Variants in ZNF496 observed in about 807,000 individuals in gnomAD.
ZNF496 encodes the protein zinc finger protein 496, also known as NSD1 (nuclear receptor binding SET-domain containing 1)-interacting zinc finger protein 1.
A neutral mutation model predicts 58.9 loss-of-function variants in ZNF496; 11 were observed. The observed-to-expected ratio is 0.19, with a 90% CI of 0.12 to 0.31. The LOEUF (loss-of-function observed/expected upper bound fraction) is 0.31, where lower values mean the gene tolerates loss of function less well. ZNF496 is among the 10% of genes least tolerant of loss of function. ZNF496 has a pLI of 1.00. For synonymous variants in ZNF496, 338 were observed against 318.2 expected, an observed-to-expected ratio of 1.06 and a Z score of -0.66; for missense variants, 660 against 783.0, an observed-to-expected ratio of 0.84 and a Z score of 1.88.
rs959033353 is a variant in ZNF496 at position 247,315,759 on chromosome 1, TAAAA to T, written c.652-5307_652-5304del. On this transcript the variant is annotated intron_variant, in intron 6 of 9. Coordinates refer to ENST00000682384, the MANE Select transcript of ZNF496 (RefSeq NM_032752.3). ...TTAATTCCAAAGAAAAAGTTTAAAA[TAAAA>T]AGAAAGAGAATACCTCAAAAATTCT... is the stretch of plus-strand genomic sequence containing the variant. Among the ~76,000 whole-genome samples the T allele has an allele frequency of 1.2e-4, 18 of 152,286 alleles. No individual in the cohort carries two copies. In the South Asian group the frequency reaches 1.2e-3, roughly 11 times the overall value.
chr1:247,323,852 T>C (rs748549533), intron 5 of ZNF496, among the ~76,000 whole-genome samples: 1 of 151,812 alleles, frequency 6.6e-6, no homozygotes, highest in South Asian at 2.1e-4. Flanking sequence ...TGGTGGCTCA[T>C]GCCTGTAATC....
chr1:247,314,878 C>T (rs1659722067), intron 6 of ZNF496, among the ~76,000 whole-genome samples: 1 of 152,094 alleles, frequency 6.6e-6, no homozygotes, highest in Admixed American at 6.5e-5. Context: ...CCCTAAGTAG[C>T]TGGGACTCTA....
chr1:247,321,520 G>A (rs968034886), intron 6 of ZNF496, among the ~76,000 whole-genome samples: 5 of 152,104 alleles, frequency 3.3e-5, no homozygotes, highest in Non-Finnish European at 7.4e-5. Flanking sequence ...TACGCTATGT[G>A]TATATTACCA....
In ZNF496 at chr1:247,329,965, C is replaced by T; in HGVS notation, c.-38+1G>A. On this transcript the variant is annotated splice_donor_variant, in intron 3 of 9. Coordinates refer to ENST00000682384, the MANE Select transcript of ZNF496 (RefSeq NM_032752.3). LOFTEE classifies it low-confidence loss of function (5UTR_SPLICE). This position sits in a 1 kb window ranked among gnomAD's most constrained non-coding sequence, Gnocchi z 5.5. ...CAGATGTAATCAAGACGCTCTGGTA[C>T]CTTGGGTGGCTGGGTCCTCCTGGAG... The T allele has an allele frequency of 5.5e-6, 1 of 181,630 alleles. No individual in the cohort carries two copies. Among genetic ancestry groups the T allele is most frequent in the South Asian group, 1.7e-4 (1 of 5,954 alleles). The allele number at this position is 181,630 out of a possible 1,614,324, so 11.3% of individuals were successfully genotyped here. A position where few individuals can be genotyped will look rare whatever the true frequency, so the allele number is the denominator to read the frequency against.
In ZNF496 at chr1:247,300,301, C is replaced by T; in HGVS notation, c.*218G>A. ...ATGGCACATCCCCCCCGTTTTTTGG[C>T]ACAGCAGAAACAGAACACTCACTTG... On this transcript the variant is annotated 3_prime_UTR_variant, in exon 10 of 10. Coordinates refer to ENST00000682384, the MANE Select transcript of ZNF496 (RefSeq NM_032752.3). The surrounding 1 kb of genome is among the most constrained non-coding windows in gnomAD (Gnocchi z 5.7). The T allele has an allele frequency of 2.1e-6, 1 of 466,356 alleles. No homozygotes were observed. The highest frequency in any genetic ancestry group is 3.7e-6 in the Non-Finnish European group (1 of 272,964). The allele number at this position is 466,356 out of a possible 1,614,324, so 28.9% of individuals were successfully genotyped here.
At chr1:247,324,691 T>C (rs1326635515) in intron 5 of ZNF496, among the ~76,000 whole-genome samples, 1 of 152,192 alleles carries the variant, frequency 6.6e-6, no homozygotes, top group Non-Finnish European at 1.5e-5. Flanking sequence ...ACAATGTGTA[T>C]AGATATCAAA....
At chr1:247,321,772 T>C (rs1211312774) in intron 6 of ZNF496, among the ~76,000 whole-genome samples, 3 of 152,234 alleles carry the variant, frequency 2.0e-5, no homozygotes, top group Non-Finnish European at 4.4e-5. Flanking sequence ...TTATACTGGT[T>C]AAATGTCCAA....
rs868299611 is a variant in ZNF496, at chr1:247,315,008, C to T, written c.652-4552G>A. 1.8e-3 allele frequency among the ~76,000 whole-genome samples: 268 copies of T among 150,908 alleles called. 5 individuals are homozygous for T. The highest frequency in any genetic ancestry group is 3.5e-3 in the Middle Eastern group (1 of 286). ...TCAAGTGATTCAACCACCTTGGCCTCCCAAAGTGGTAGGATTATGGGTGTG... is the reference window on the plus strand; with the variant it reads ...TCAAGTGATTCAACCACCTTGGCCTTCCAAAGTGGTAGGATTATGGGTGTG... On this transcript the variant is annotated intron_variant, in intron 6 of 9. Transcript: ENST00000682384.
chr1:247,322,664 C>T (rs1457873872), intron 6 of ZNF496: 6 of 1,253,730 alleles, frequency 4.8e-6, no homozygotes, highest in Middle Eastern at 2.2e-4. Flanking sequence ...AAAACACGAA[C>T]GAGAACATTC....
intron 6 of ZNF496, among the ~76,000 whole-genome samples, chr1:247,320,908 C>T (rs1021404753): frequency 5.3e-5 from 8 of 152,174 alleles, no homozygotes; most frequent in Admixed American, 3.3e-4. Flanking sequence ...GGCATGGTGG[C>T]TCACGCCTGT....
intron 6 of ZNF496, among the ~76,000 whole-genome samples, chr1:247,316,566 C>T (rs1373538092): frequency 6.6e-6 from 1 of 152,154 alleles, no homozygotes; most frequent in Non-Finnish European, 1.5e-5. Flanking sequence ...ACAGAGCCCC[C>T]ACCAGCACGA....
intron 9 of ZNF496, chr1:247,306,974 TG>T: frequency 4.2e-6 from 2 of 479,884 alleles, no homozygotes; most frequent in Non-Finnish European, 5.4e-6. Context: ...CACTGAATCC[TG>T]GTGCAATGTT....
At chr1:247,322,829 A>C (rs1467460592) in intron 6 of ZNF496, 2 of 1,297,706 alleles carry the variant, frequency 1.5e-6, no homozygotes, top group African/African-American at 3.0e-5. Context: ...GAGCAGAGAG[A>C]TCTCCTTTTT....
At chr1:247,301,438 G>A (rs1334839433) in intron 9 of ZNF496, among the ~76,000 whole-genome samples, 162 bp from the exon 10 acceptor site, 1 of 152,092 alleles carries the variant, frequency 6.6e-6, no homozygotes, top group Non-Finnish European at 1.5e-5. Context: ...GGCCACTGGT[G>A]TAGCCTGTGA....
chr1:247,323,188 T>C lies in ZNF496; in HGVS notation c.617A>G (p.Asp206Gly), dbSNP rs778003586. 3 of 1,614,108 alleles carry C rather than the reference T, an allele frequency of 1.9e-6. No homozygotes were observed. The highest frequency in any genetic ancestry group is 3.3e-5 in the Admixed American group (2 of 60,030). Residue 206 changes from aspartate (D) to glycine (G), a missense_variant, in exon 6 of 10, where the codon GAC becomes GGC. Asp to Gly is a moderately conservative substitution (Grantham distance 94). Transcript: ENST00000682384. ...AFLLQEENVR[D>G]TQQVTTLQLP... ...CTGGAGGGTGGTCACCTGCTGTGTG[T>C]CCCGCACATTCTCTTCCTGAAGAAG...
At chr1:247,327,334 G>C (rs915890047) in intron 5 of ZNF496, among the ~76,000 whole-genome samples, 1 of 152,176 alleles carries the variant, frequency 6.6e-6, no homozygotes, top group African/African-American at 2.4e-5. Flanking sequence ...AAAGTGCTGG[G>C]ATTACAGGCG....
chr1:247,328,622 G>A, intron 5 of ZNF496, 61 bp downstream of exon 5: 1 of 1,440,400 alleles, frequency 6.9e-7, no homozygotes, highest in South Asian at 1.5e-5. Flanking sequence ...CACACCCAGT[G>A]CACAGTATGG....
Position 247,301,474 on chromosome 1 carries a change from G to A in ZNF496, c.1007-198C>T, listed in dbSNP as rs903022749. The stretch of plus-strand genomic sequence containing the variant: ...GGAAGAAATCTTCAGCATGGGCCCC[G>A]CTGTGTCCAGAGCATGCTGGGCACC... On this transcript the variant is annotated intron_variant, in intron 9 of 9. Coordinates refer to ENST00000682384, the MANE Select transcript of ZNF496 (RefSeq NM_032752.3). 3.3e-5 allele frequency among the ~76,000 whole-genome samples: 5 copies of A among 152,140 alleles called. No individual in the cohort carries two copies. In the East Asian group the frequency reaches 7.7e-4, roughly 23 times the overall value.
At chr1:247,304,550 T>C (rs1659348028) in intron 9 of ZNF496, among the ~76,000 whole-genome samples, 1 of 152,068 alleles carries the variant, frequency 6.6e-6, no homozygotes, top group African/African-American at 2.4e-5. Flanking sequence ...TTTTGTATTT[T>C]TAGTAGAGAG....
Sources: gnomAD v4.1 joint callset for allele counts (sites outside exome capture counted in the v4.1 genomes callset) on GRCh38, gnomAD v4.1.1 for gene constraint, Gnocchi (gnomAD v3.1) non-coding constraint, MANE v1.5 for transcripts, NCBI Gene and HGNC (gene_info 2026-07-23, HGNC 2026-07-21) for gene names.